The following LRRC37A3 variants were observed in gnomAD, a reference collection of about 807,000 sequenced individuals.
LRRC37A3 encodes the protein leucine-rich repeat-containing protein 37A3.
LRRC37A3 carries 25 observed loss-of-function variants against 106.2 expected under a neutral mutation model. That is an observed-to-expected ratio of 0.24 (90% CI 0.17 to 0.33). LRRC37A3 has a LOEUF of 0.33. Among genes scored for constraint, LRRC37A3 ranks in the 10% least tolerant of loss-of-function variants. The pLI, the probability that LRRC37A3 is intolerant of heterozygous loss-of-function variation, is 1.00. For synonymous variants in LRRC37A3, 305 were observed against 635.8 expected, an observed-to-expected ratio of 0.48 and a Z score of 7.83; for missense variants, 712 against 1,644.9, an observed-to-expected ratio of 0.43 and a Z score of 9.81.
Position 64,859,976 on chromosome 17 carries a change from G to A in LRRC37A3, c.4170C>T (p.Asp1390=), listed in dbSNP as rs760856173. The A allele has an allele frequency of 1.2e-6, 2 of 1,613,626 alleles. No homozygotes were observed. Among genetic ancestry groups the A allele is most frequent in the East Asian group, 2.2e-5 (1 of 44,870 alleles). ...CTTCAAAGGCATTTCTTGCAGTTGTGTCTTTTGTATTATTGTTTTCTATAA... is the reference window on the plus strand; with the variant it reads ...CTTCAAAGGCATTTCTTGCAGTTGTATCTTTTGTATTATTGTTTTCTATAA... ...EHFIENNNTK[D]TTARNAFEEN... is the part of the protein sequence containing the mutation. The change falls in exon 12 of 15, where the codon GAC becomes GAT. Residue 1390 remains aspartate (D), a synonymous_variant. Transcript: ENST00000584306.
rs1287793630 is a variant in LRRC37A3, at chr17:64,860,176, T to A, written c.3970A>T (p.Ser1324Cys). 6.2e-7 allele frequency: 1 copy of A among 1,613,894 alleles called. No homozygotes were observed. Among genetic ancestry groups the A allele is most frequent in the African/African-American group, 1.3e-5 (1 of 74,932 alleles). The change falls in exon 12 of 15, where the codon AGT (serine) becomes TGT (cysteine). Residue 1324 changes from serine (S) to cysteine (C), a missense_variant. Coordinates refer to ENST00000584306, the MANE Select transcript of LRRC37A3 (RefSeq NM_199340.5). The part of the protein sequence containing the change: ...MTHRTPKVKK[S>C]PKVRKKSYLS... ...TAACTTTTCTTTCTGACCTTTGGAC[T>A]CTTTTTGACCTTGGGTGTTCTGTGG...
At chr17:64,872,992 A>C (rs1973372485) in intron 8 of LRRC37A3, among the ~76,000 whole-genome samples, 2 of 152,268 alleles carry the variant, frequency 1.3e-5, no homozygotes, top group African/African-American at 2.4e-5. Flanking sequence ...CCAAGGATTT[A>C]AGTAAATCTT....
chr17:64,901,031 TTC>T (rs1484207698), intron 2 of LRRC37A3: 1 of 150,548 alleles, frequency 6.6e-6, no homozygotes, highest in Non-Finnish European at 1.5e-5. Flanking sequence ...GCCCATCTAA[TTC>T]TCTTTTTTAG....
At chr17:64,907,070 G>A (rs1202422782) in intron 2 of LRRC37A3, among the ~76,000 whole-genome samples, 1 of 150,342 alleles carries the variant, frequency 6.7e-6, no homozygotes, top group Non-Finnish European at 1.5e-5. Context: ...CTACCACGGA[G>A]ACCAGCCTGT....
At chr17:64,872,210 CAAAAAAAAAAAA>C (rs60703427) in intron 8 of LRRC37A3, among the ~76,000 whole-genome samples, 4 of 61,850 alleles carry the variant, frequency 6.5e-5, no homozygotes, top group East Asian at 4.5e-4. Context: ...AAAAAATAGC[CAAAAAAAAAAAA>C]AAAAAAAAAT....
chr17:64,911,172 C>T (rs1472924821), intron 2 of LRRC37A3, among the ~76,000 whole-genome samples: 5 of 150,768 alleles, frequency 3.3e-5, no homozygotes, highest in Non-Finnish European at 5.9e-5. Flanking sequence ...GAGAAACAAC[C>T]GTTTGCATTT....
At position 64,860,977 on chromosome 17, in the gene LRRC37A3, T is replaced by C. The variant is rs1316858799; in HGVS notation, c.3173-4A>G. On this transcript the variant is annotated splice_polypyrimidine_tract_variant and splice_region_variant and intron_variant, in intron 11 of 14. Coordinates refer to ENST00000584306, the MANE Select transcript of LRRC37A3 (RefSeq NM_199340.5). ...TTCCCTACAGATGCTTCTTCAGCTG[T>C]CAAAAAAGAAGAGACTGCTTTGATC... 1 of 1,613,708 alleles carries C rather than the reference T, an allele frequency of 6.2e-7. No individual in the cohort carries two copies.
chr17:64,868,602 A>G, intron 9 of LRRC37A3, 66 bp from the exon 10 acceptor site: 1 of 1,537,436 alleles, frequency 6.5e-7, no homozygotes, highest in Non-Finnish European at 8.9e-7. Flanking sequence ...TTAACAATTC[A>G]ATTTTGGCTT....
At chr17:64,871,953 G>A (rs541447810) in intron 8 of LRRC37A3, among the ~76,000 whole-genome samples, 89 of 151,934 alleles carry the variant, frequency 5.9e-4, no homozygotes, top group African/African-American at 1.6e-3. Context: ...CTAACAAGGC[G>A]AAACCCCGTC....
chr17:64,910,637 CTTTT>C lies in LRRC37A3; in HGVS notation c.-496+8109_-496+8112del, dbSNP rs926231139. Among the ~76,000 whole-genome samples the C allele has an allele frequency of 1.3e-3, 121 of 96,466 alleles. 1 individual carries two copies. The South Asian group carries it at 0.017, about 14-fold the overall frequency. 63.3% of individuals were successfully genotyped at this position (96,466 alleles called of 152,430 possible). A position where few individuals can be genotyped will look rare whatever the true frequency, so the allele number is the denominator to read the frequency against. ...AGGAAGAAGAGTAACATTGTCCCCC[CTTTT>C]TTTTTTTTTTTTTTTTTTTTTGAGC... On this transcript the variant is annotated intron_variant, in intron 2 of 14. Transcript: ENST00000584306.
intron 2 of LRRC37A3, among the ~76,000 whole-genome samples, chr17:64,913,173 C>T (rs1276174719): frequency 6.6e-6 from 1 of 151,670 alleles, no homozygotes; most frequent in East Asian, 1.9e-4. Flanking sequence ...GGATTACAGG[C>T]AGCTGCCACC....
intron 12 of LRRC37A3, 95 bp downstream of exon 12, chr17:64,859,347 T>A (rs1972788503): frequency 7.5e-7 from 1 of 1,337,656 alleles, no homozygotes; most frequent in South Asian, 1.2e-5. Context: ...AGATAAGCTA[T>A]GGCCTGGGAG....
intron 8 of LRRC37A3, among the ~76,000 whole-genome samples, chr17:64,873,073 G>A (rs528162153): frequency 4.6e-5 from 7 of 151,940 alleles, no homozygotes; most frequent in Admixed American, 2.0e-4. Flanking sequence ...CATATAATGC[G>A]AGACTTTACA....
chr17:64,906,733 A>AT lies in LRRC37A3; in HGVS notation c.-495-8275dup, dbSNP rs1161143020. ...TTGTTGGGAAGGAGAAATGAAGACTATTTTTTTTTTTTTTTTGAGACGGAG... is the reference window on the plus strand; with the variant it reads ...TTGTTGGGAAGGAGAAATGAAGACTATTTTTTTTTTTTTTTTTGAGACGGAG... On this transcript the variant is annotated intron_variant, in intron 2 of 14. Coordinates refer to ENST00000584306, the MANE Select transcript of LRRC37A3 (RefSeq NM_199340.5). 6.1e-3 allele frequency among the ~76,000 whole-genome samples: 801 copies of AT among 130,298 alleles called. 5 individuals carry two copies. The highest frequency in any genetic ancestry group is 0.02 in the Middle Eastern group (5 of 254). 85.5% of individuals were successfully genotyped at this position (130,298 alleles called of 152,430 possible). A position where few individuals can be genotyped will look rare whatever the true frequency, so the allele number is the denominator to read the frequency against.
intron 2 of LRRC37A3, chr17:64,909,544 G>A (rs1165678915): frequency 6.6e-6 from 1 of 152,144 alleles, no homozygotes; most frequent in Non-Finnish European, 1.5e-5. Context: ...CCCAGGTGAA[G>A]CTCAGTAATC....
intron 13 of LRRC37A3, among the ~76,000 whole-genome samples, chr17:64,857,392 A>C (rs935517353): frequency 3.6e-4 from 55 of 152,380 alleles, no homozygotes; most frequent in Admixed American, 9.1e-4. Flanking sequence ...AAATGAATAC[A>C]TGACATGAGA....
chr17:64,854,745 A>T, intron 14 of LRRC37A3, 101 bp from the exon 15 acceptor site: 2 of 1,611,928 alleles, frequency 1.2e-6, no homozygotes, highest in Non-Finnish European at 1.7e-6. Context: ...GGGCCCCGTC[A>T]TTTACCCAGG....
intron 14 of LRRC37A3, 119 bp downstream of exon 14, chr17:64,855,721 G>T: frequency 6.6e-7 from 1 of 1,526,680 alleles, no homozygotes; most frequent in East Asian, 2.4e-5. Context: ...AGAATCGCTT[G>T]AACCTGGGAA....
rs553302692 is a variant in LRRC37A3 at position 64,917,526 on chromosome 17, A to T, written c.-496+1224T>A. On this transcript the variant is annotated intron_variant, in intron 2 of 14. Coordinates refer to ENST00000584306, the MANE Select transcript of LRRC37A3 (RefSeq NM_199340.5). ...AAACTAGAAATAATTGAAATATTCA[A>T]CTATTGAACAGATAAATGCACTGTG... 3.5e-3 allele frequency among the ~76,000 whole-genome samples: 530 copies of T among 152,166 alleles called. 1 individual carries two copies. The highest frequency in any genetic ancestry group is 0.011 in the South Asian group (51 of 4,818).
Sources: gnomAD v4.1 joint callset for allele counts (sites outside exome capture counted in the v4.1 genomes callset) on GRCh38, gnomAD v4.1.1 for gene constraint, MANE v1.5 for transcripts, NCBI Gene and HGNC (gene_info 2026-07-23, HGNC 2026-07-21) for gene names.